Variants in FAM151B observed in about 807,000 individuals in gnomAD.
The protein encoded by FAM151B is protein FAM151B.
Under a neutral mutation model 31.2 loss-of-function variants are expected in FAM151B, and 24 were observed. The observed-to-expected ratio is 0.77, with a 90% CI of 0.56 to 1.08. The LOEUF is 1.08. Ranked by LOEUF, FAM151B falls within the 50% of genes least tolerant of loss-of-function variation. FAM151B has a pLI of 0.00. For synonymous variants in FAM151B, 105 were observed against 111.4 expected (o/e 0.94, Z 0.36); for missense variants, 293 against 328.6 (o/e 0.89, Z 0.84).
At chr5:80,540,957 G>T (rs539296894) in intron 5 of FAM151B, among the ~76,000 whole-genome samples, 2 of 152,302 alleles carry the variant, frequency 1.3e-5, no homozygotes, top group South Asian at 4.1e-4. Flanking sequence ...ACAAGCTTAT[G>T]GGGAATATAA....
At chr5:80,519,983 CA>C (rs1185297924) in intron 4 of FAM151B, 73 bp downstream of exon 4, 1 of 1,394,020 alleles carries the variant, frequency 7.2e-7, no homozygotes. Context: ...ATCTTTAATA[CA>C]AAGACCAAAA....
rs1278372839 is a variant in FAM151B at position 80,534,622 on chromosome 5, C to CTA, written c.672-7046_672-7045dup. Among the ~76,000 whole-genome samples, 3 of 152,254 alleles carry CTA rather than the reference C, an allele frequency of 2.0e-5. No individual in the cohort carries two copies. In the South Asian group the frequency reaches 6.2e-4, roughly 32 times the overall value. On this transcript the variant is annotated intron_variant, in intron 5 of 5. Coordinates refer to ENST00000282226, the MANE Select transcript of FAM151B (RefSeq NM_205548.3). Reference sequence around the variant, plus strand: ...GGAGCATGCCTCAACGTAATAAAAGCTATATACAACAGACCCACAGCTAGT... The same window carrying CTA: ...GGAGCATGCCTCAACGTAATAAAAGCTATATATACAACAGACCCACAGCTAGT...
At position 80,526,510 on chromosome 5, in the gene FAM151B, C is replaced by T. The variant is rs1413330387; in HGVS notation, c.671+4372C>T. ...TGGCAGGTGCCTGTAATTCCAGCTA[C>T]TCGGGAGGCTGAGATGGGGGAATCG... On this transcript the variant is annotated intron_variant, in intron 5 of 5. Coordinates refer to ENST00000282226, the MANE Select transcript of FAM151B (RefSeq NM_205548.3). Among the ~76,000 whole-genome samples the T allele has an allele frequency of 2.6e-5, 4 of 151,262 alleles. No homozygotes were observed. In the East Asian group the frequency reaches 7.8e-4, roughly 30 times the overall value.
chr5:80,510,972 C>A (rs1434086237), intron 2 of FAM151B: 2 of 152,128 alleles, frequency 1.3e-5, no homozygotes, highest in African/African-American at 4.8e-5. Flanking sequence ...AGTATTGTTT[C>A]CACCAAATTT....
At chr5:80,511,992 G>A (rs985009259) in intron 2 of FAM151B, among the ~76,000 whole-genome samples, 2 of 152,038 alleles carry the variant, frequency 1.3e-5, no homozygotes, top group African/African-American at 2.4e-5. Flanking sequence ...TGGTATTGGA[G>A]GTATAGATTG....
chr5:80,512,728 A>G (rs947418689), intron 2 of FAM151B, among the ~76,000 whole-genome samples: 3 of 151,676 alleles, frequency 2.0e-5, no homozygotes, highest in Admixed American at 6.6e-5. Context: ...GCTTCGGTGA[A>G]GTATAATGCT....
chr5:80,513,877 T>C (rs768692381), intron 3 of FAM151B, 108 bp downstream of exon 3: 297 of 1,112,398 alleles, frequency 2.7e-4, no homozygotes, highest in Non-Finnish European at 3.5e-4. Context: ...TAGACTCTAA[T>C]ATATTTCAGG....
At chr5:80,521,116 C>CTT (rs57212651) in intron 4 of FAM151B, among the ~76,000 whole-genome samples, 13,236 of 71,720 alleles carry the variant, frequency 0.18, 1,903 homozygotes, top group East Asian at 0.37. Context: ...TGCACCTGGC[C>CTT]TTTTTTTTTT....
chr5:80,491,262 C>A (rs1265193196), intron 1 of FAM151B, among the ~76,000 whole-genome samples: 6 of 151,948 alleles, frequency 3.9e-5, no homozygotes, highest in African/African-American at 9.7e-5. Context: ...GTCACCCAGG[C>A]TGGAGTGCAG....
chr5:80,492,548 TCTTA>T (rs1348135356), intron 1 of FAM151B, among the ~76,000 whole-genome samples: 1 of 152,146 alleles, frequency 6.6e-6, no homozygotes, highest in East Asian at 1.9e-4. Flanking sequence ...TCTCCTAGGG[TCTTA>T]CTATTTCCTG....
At chr5:80,499,191 T>C (rs1305365810) in intron 1 of FAM151B, among the ~76,000 whole-genome samples, 2 of 152,190 alleles carry the variant, frequency 1.3e-5, no homozygotes, top group African/African-American at 2.4e-5. Flanking sequence ...CAACTTTTTT[T>C]CAGCATTTTC....
intron 3 of FAM151B, among the ~76,000 whole-genome samples, chr5:80,517,601 C>T (rs897910016): frequency 3.9e-5 from 6 of 151,938 alleles, no homozygotes; most frequent in South Asian, 2.1e-4. Flanking sequence ...CATTATCCTT[C>T]GTCTACATTA....
intron 5 of FAM151B, among the ~76,000 whole-genome samples, chr5:80,536,337 A>AT (rs57706841): frequency 0.098 from 14,413 of 147,742 alleles, 946 homozygotes; most frequent in African/African-American, 0.18. Context: ...AGTCCAGCTC[A>AT]TTTTTTTTTT....
intron 5 of FAM151B, among the ~76,000 whole-genome samples, chr5:80,531,569 T>C (rs181822176): frequency 2.9e-3 from 439 of 152,214 alleles, no homozygotes; most frequent in African/African-American, 7.5e-3. Flanking sequence ...CATCAAAAAG[T>C]GGGCGAAGGA....
intron 5 of FAM151B, among the ~76,000 whole-genome samples, chr5:80,531,823 G>A (rs1745256818): frequency 6.6e-6 from 1 of 152,196 alleles, no homozygotes; most frequent in African/African-American, 2.4e-5. Context: ...GTGGAAGACA[G>A]TGTGGTGATT....
chr5:80,511,889 G>A (rs1744204976), intron 2 of FAM151B, among the ~76,000 whole-genome samples: 1 of 152,174 alleles, frequency 6.6e-6, no homozygotes, highest in South Asian at 2.1e-4. Context: ...TTATAAGCGT[G>A]AGCCACCATG....
intron 3 of FAM151B, among the ~76,000 whole-genome samples, chr5:80,519,194 C>T (rs1356519566): frequency 6.6e-6 from 1 of 152,014 alleles, no homozygotes. Flanking sequence ...GTTTATGTAT[C>T]CAAACTCACC....
At chr5:80,515,929 C>T (rs988037740) in intron 3 of FAM151B, among the ~76,000 whole-genome samples, 16 of 152,204 alleles carry the variant, frequency 1.1e-4, no homozygotes, top group Non-Finnish European at 1.6e-4. Flanking sequence ...CAGAATGCTG[C>T]ACTCACTCCC....
rs1176304809 is a variant in FAM151B at position 80,519,841 on chromosome 5, T to G, written c.466T>G (p.Ser156Ala). The G allele has an allele frequency of 6.2e-7, 1 of 1,614,142 alleles. No homozygotes were observed. The highest frequency in any genetic ancestry group is 1.3e-5 in the African/African-American group (1 of 75,042). The stretch of plus-strand genomic sequence containing the variant: ...AAAACCATTTTTAGACACCGTGATA[T>G]CCTTCTTTCCAGACGTGACGTTTTC... ...DAKPFLDTVI[S>A]FFPDVTFSLG... is the part of the protein sequence containing the mutation. The change falls in exon 4 of 6, where the codon TCC (serine) becomes GCC (alanine). Residue 156 changes from serine (S) to alanine (A), a missense_variant. Transcript: ENST00000282226.
Sources: gnomAD v4.1 joint callset for allele counts (sites outside exome capture counted in the v4.1 genomes callset) on GRCh38, gnomAD v4.1.1 for gene constraint, MANE v1.5 for transcripts, NCBI Gene and HGNC (gene_info 2026-07-23, HGNC 2026-07-21) for gene names.